Variants in ST18 observed in about 807,000 individuals in gnomAD.
ST18 encodes the protein ST18 C2H2C-type zinc finger transcription factor, also known as suppression of tumorigenicity 18 protein.
Under a neutral mutation model 110.0 loss-of-function variants are expected in ST18, and 50 were observed. The ratio of observed to expected loss-of-function variants is 0.45; its 90% confidence interval spans 0.36 to 0.58. ST18 has a LOEUF of 0.58. Ranked by LOEUF, ST18 falls within the 20% of genes least tolerant of loss-of-function variation. The pLI is 0.00. For synonymous variants in ST18, 461 were observed against 452.4 expected (o/e 1.02, Z -0.24); for missense variants, 1,306 against 1,280.1 (o/e 1.02, Z -0.31).
At chr8:52,297,183 G>T (rs540591072) in intron 2 of ST18, among the ~76,000 whole-genome samples, 2 of 152,158 alleles carry the variant, frequency 1.3e-5, no homozygotes, top group Admixed American at 6.5e-5. Flanking sequence ...CGCAGGCTGT[G>T]GGGGGTGCAG....
chr8:52,124,544 T>C (rs535525737), intron 23 of ST18, among the ~76,000 whole-genome samples: 8 of 152,286 alleles, frequency 5.3e-5, no homozygotes, highest in Non-Finnish European at 1.2e-4. Context: ...TTAAATACTA[T>C]TTGAAATAAG....
intron 2 of ST18, among the ~76,000 whole-genome samples, chr8:52,369,765 A>G (rs1829570733): frequency 6.6e-6 from 1 of 152,230 alleles, no homozygotes; most frequent in Non-Finnish European, 1.5e-5. Context: ...ATTGAACTAG[A>G]TATTAGTGGC....
At chr8:52,279,845 C>T (rs2095342049) in intron 2 of ST18, among the ~76,000 whole-genome samples, 1 of 152,116 alleles carries the variant, frequency 6.6e-6, no homozygotes, top group Non-Finnish European at 1.5e-5. Flanking sequence ...ATAGATACAC[C>T]TCTAAGGTGT....
At chr8:52,211,433 G>C (rs2082139722) in intron 8 of ST18, among the ~76,000 whole-genome samples, 1 of 149,556 alleles carries the variant, frequency 6.7e-6, no homozygotes, top group Admixed American at 6.7e-5. Flanking sequence ...TTGAGATGGA[G>C]TCTCACTCTG....
intron 21 of ST18, among the ~76,000 whole-genome samples, chr8:52,132,748 T>C (rs986271953): frequency 6.6e-6 from 1 of 152,206 alleles, no homozygotes; most frequent in Non-Finnish European, 1.5e-5. Flanking sequence ...AATTAAAGTT[T>C]CGGGGGAAAA....
chr8:52,143,252 C>T (rs1185360242), intron 16 of ST18, among the ~76,000 whole-genome samples: 1 of 152,144 alleles, frequency 6.6e-6, no homozygotes, highest in African/African-American at 2.4e-5. Context: ...TTTGGGAAGC[C>T]GAGGCAGGCG....
At chr8:52,163,886 G>C in intron 13 of ST18, 100 bp downstream of exon 13, 1 of 834,810 alleles carries the variant, frequency 1.2e-6, no homozygotes, top group South Asian at 1.7e-5. Context: ...GCTGAGAGGG[G>C]AGGTCAAGCC....
chr8:52,136,478 G>T, intron 19 of ST18, 112 bp downstream of exon 19: 1 of 1,048,748 alleles, frequency 9.5e-7, no homozygotes, highest in Non-Finnish European at 1.4e-6. Flanking sequence ...CTGTGATCCT[G>T]GCAGGCAGGA....
At chr8:52,396,863 T>A (rs1841324912) in intron 2 of ST18, among the ~76,000 whole-genome samples, 2 of 152,216 alleles carry the variant, frequency 1.3e-5, no homozygotes, top group African/African-American at 4.8e-5. Flanking sequence ...ATAACACATT[T>A]TCTTTATCTA....
At position 52,159,021 on chromosome 8, in the gene ST18, A is replaced by G. The variant is rs1158465035; in HGVS notation, c.1683T>C (p.Tyr561=). The G allele has an allele frequency of 1.2e-6, 2 of 1,614,180 alleles. No homozygotes were observed. Among genetic ancestry groups the G allele is most frequent in the East Asian group, 2.2e-5 (1 of 44,880 alleles). ...HTQSPGRASS[Y]SYGQCSEDTH... is the part of the protein sequence containing the mutation. ...TGTCTTCACTACATTGACCGTAGCT[A>G]TAAGAGCTGGCACGGCCAGGGCTCT... The change falls in exon 15 of 26, where the codon TAT becomes TAC. Residue 561 remains tyrosine (Y), a synonymous_variant. Transcript: ENST00000689386.
intron 23 of ST18, among the ~76,000 whole-genome samples, chr8:52,122,028 T>C (rs138842253): frequency 0.017 from 2,651 of 152,208 alleles, 78 homozygotes; most frequent in African/African-American, 0.059. Flanking sequence ...TTATTTTTAG[T>C]AAAGACAGAG....
intron 2 of ST18, among the ~76,000 whole-genome samples, chr8:52,286,793 C>G: frequency 6.6e-6 from 1 of 150,914 alleles, no homozygotes; most frequent in Non-Finnish European, 1.5e-5. Flanking sequence ...CTTTGGTTCT[C>G]AAAGCATGGT....
At chr8:52,249,046 T>C (rs1178074681) in intron 2 of ST18, among the ~76,000 whole-genome samples, 1 of 152,188 alleles carries the variant, frequency 6.6e-6, no homozygotes, top group Non-Finnish European at 1.5e-5. Context: ...TTTTCAAACC[T>C]GAACCAATAA....
intron 2 of ST18, among the ~76,000 whole-genome samples, chr8:52,274,826 T>A (rs1253277843): frequency 1.3e-5 from 2 of 152,232 alleles, no homozygotes; most frequent in African/African-American, 2.4e-5. Context: ...AGTTTAATAA[T>A]TCTTGTATTT....
intron 2 of ST18, among the ~76,000 whole-genome samples, chr8:52,323,460 C>T (rs553221594): frequency 1.2e-4 from 18 of 150,110 alleles, no homozygotes; most frequent in South Asian, 2.1e-4. Flanking sequence ...TGGTGTCCAG[C>T]GTGCTGGGAT....
intron 2 of ST18, among the ~76,000 whole-genome samples, chr8:52,268,515 C>T (rs539349708): frequency 3.2e-4 from 44 of 137,672 alleles, no homozygotes; most frequent in East Asian, 2.9e-3. Context: ...ATCTATTTAT[C>T]TATCTATCTT....
intron 8 of ST18, among the ~76,000 whole-genome samples, chr8:52,208,569 G>A (rs1311476955): frequency 1.3e-5 from 2 of 152,250 alleles, no homozygotes; most frequent in Non-Finnish European, 2.9e-5. Context: ...GCTCACGCCT[G>A]TAATCCCAGC....
intron 2 of ST18, among the ~76,000 whole-genome samples, chr8:52,268,738 C>G (rs1276237427): frequency 1.3e-5 from 2 of 152,170 alleles, no homozygotes; most frequent in Non-Finnish European, 2.9e-5. Flanking sequence ...TACAAGAACG[C>G]AGAGCCGAAA....
intron 8 of ST18, among the ~76,000 whole-genome samples, chr8:52,183,533 T>G (rs1038712562): frequency 1.5e-4 from 23 of 152,234 alleles, no homozygotes; most frequent in Admixed American, 1.5e-3. Context: ...TGAAATCACT[T>G]AAGTAATACT....
Sources: gnomAD v4.1 joint callset for allele counts (sites outside exome capture counted in the v4.1 genomes callset) on GRCh38, gnomAD v4.1.1 for gene constraint, MANE v1.5 for transcripts, NCBI Gene and HGNC (gene_info 2026-07-23, HGNC 2026-07-21) for gene names.